The following LDLRAD3 variants were observed in gnomAD, a reference collection of about 807,000 sequenced individuals.
The protein encoded by LDLRAD3 is low density lipoprotein receptor class A domain containing 3.
A neutral mutation model predicts 29.4 loss-of-function variants in LDLRAD3; 20 were observed. The observed-to-expected ratio is 0.68, with a 90% confidence interval of 0.48 to 0.99. LDLRAD3 has a LOEUF of 0.99. LDLRAD3 is among the 50% of genes least tolerant of loss of function. The pLI is 0.00. For synonymous variants in LDLRAD3, 157 were observed against 192.7 expected, an observed-to-expected ratio of 0.81 and a Z score of 1.53; for missense variants, 420 against 454.3, an observed-to-expected ratio of 0.92 and a Z score of 0.69.
intron 1 of LDLRAD3, among the ~76,000 whole-genome samples, chr11:36,020,957 G>C (rs1210834814): frequency 6.6e-6 from 1 of 152,220 alleles, no homozygotes; most frequent in Non-Finnish European, 1.5e-5. Flanking sequence ...CTAGGGTTGT[G>C]AGTGACAGGG....
intron 3 of LDLRAD3, among the ~76,000 whole-genome samples, chr11:36,086,309 C>T (rs1853195005): frequency 6.6e-6 from 1 of 152,146 alleles, no homozygotes; most frequent in Non-Finnish European, 1.5e-5. Context: ...CTTAATATGA[C>T]AAGAAATTTT....
chr11:36,091,836 C>T (rs561562728), intron 3 of LDLRAD3, among the ~76,000 whole-genome samples: 29 of 152,256 alleles, frequency 1.9e-4, no homozygotes, highest in African/African-American at 7.0e-4. Flanking sequence ...GTTTCCTGGT[C>T]TGTTTATGAT....
At chr11:36,105,680 GA>G (rs768155355) in intron 4 of LDLRAD3, among the ~76,000 whole-genome samples, 7 of 152,192 alleles carry the variant, frequency 4.6e-5, no homozygotes, top group African/African-American at 9.7e-5. Flanking sequence ...AGGATCAGCA[GA>G]GATCGCCAGC....
chr11:36,184,316 C>T (rs1854813822), intron 4 of LDLRAD3, among the ~76,000 whole-genome samples: 1 of 152,078 alleles, frequency 6.6e-6, no homozygotes, highest in African/African-American at 2.4e-5. Context: ...CATATTCAAG[C>T]TTTGCTTTTA....
intron 4 of LDLRAD3, among the ~76,000 whole-genome samples, chr11:36,210,117 C>G (rs1855263857): frequency 6.6e-6 from 1 of 152,186 alleles, no homozygotes; most frequent in Non-Finnish European, 1.5e-5. Flanking sequence ...CCAGAGCTCC[C>G]CATCCATTCC....
intron 1 of LDLRAD3, among the ~76,000 whole-genome samples, chr11:36,033,563 CA>C (rs1463835540): frequency 2.6e-5 from 4 of 152,236 alleles, no homozygotes; most frequent in African/African-American, 9.6e-5. Flanking sequence ...GCTAACTCTA[CA>C]AATGCAAGTG....
At chr11:36,141,140 A>C (rs1447584811) in intron 4 of LDLRAD3, among the ~76,000 whole-genome samples, 1 of 151,878 alleles carries the variant, frequency 6.6e-6, no homozygotes, top group Non-Finnish European at 1.5e-5. Flanking sequence ...TGTCATGGGG[A>C]TTCGATGGCA....
intron 1 of LDLRAD3, among the ~76,000 whole-genome samples, chr11:35,971,084 A>G (rs2133146889): frequency 6.6e-6 from 1 of 152,318 alleles, no homozygotes; most frequent in Middle Eastern, 3.4e-3. Context: ...TGTAGTTGGA[A>G]GAAGCATGAC....
At chr11:35,985,632 A>C (rs1277114895) in intron 1 of LDLRAD3, among the ~76,000 whole-genome samples, 1 of 152,058 alleles carries the variant, frequency 6.6e-6, no homozygotes, top group East Asian at 1.9e-4. Flanking sequence ...ATCTGGTGGG[A>C]GGTAACTGAA....
chr11:36,203,368 G>C (rs941912587), intron 4 of LDLRAD3, among the ~76,000 whole-genome samples: 1 of 152,186 alleles, frequency 6.6e-6, no homozygotes, highest in African/African-American at 2.4e-5. Flanking sequence ...AACAGGCTCA[G>C]GAGTTTAAGT....
At chr11:36,212,551 C>CAAAAAAAAAAAAAAA (rs34139512) in intron 4 of LDLRAD3, among the ~76,000 whole-genome samples, 1 of 123,230 alleles carries the variant, frequency 8.1e-6, no homozygotes, top group African/African-American at 2.9e-5. Context: ...GACCCTGTCT[C>CAAAAAAAAAAAAAAA]AAAAAAAAAA....
Position 36,032,562 on chromosome 11 carries a change from G to A in LDLRAD3, c.47-3541G>A, listed in dbSNP as rs116052689. Among the ~76,000 whole-genome samples, 1,056 of 152,246 alleles carry A rather than the reference G, an allele frequency of 6.9e-3. 6 individuals carry two copies. The highest frequency in any genetic ancestry group is 0.022 in the African/African-American group (907 of 41,532). ...CCTCAGCACTATTGACATTTTCAGCGGGATGACTCTTCATTGTGGGGGCTG... is the reference window on the plus strand; with the variant it reads ...CCTCAGCACTATTGACATTTTCAGCAGGATGACTCTTCATTGTGGGGGCTG... On this transcript the variant is annotated intron_variant, in intron 1 of 5. Coordinates refer to ENST00000315571, the MANE Select transcript of LDLRAD3 (RefSeq NM_174902.4).
At chr11:35,974,031 G>A (rs184841984) in intron 1 of LDLRAD3, among the ~76,000 whole-genome samples, 1 of 152,048 alleles carries the variant, frequency 6.6e-6, no homozygotes, top group African/African-American at 2.4e-5. Context: ...TCCCTATTGA[G>A]TAATTAATCT....
At chr11:36,044,575 G>A (rs2133217536) in intron 2 of LDLRAD3, among the ~76,000 whole-genome samples, 1 of 152,320 alleles carries the variant, frequency 6.6e-6, no homozygotes, top group Non-Finnish European at 1.5e-5. Flanking sequence ...GAGAGCCTGT[G>A]CCACAGAAAC....
At chr11:36,019,808 A>C (rs1056232402) in intron 1 of LDLRAD3, among the ~76,000 whole-genome samples, 2 of 152,152 alleles carry the variant, frequency 1.3e-5, no homozygotes, top group Non-Finnish European at 2.9e-5. Flanking sequence ...GAGAAGGTGA[A>C]TCAACCTCTC....
chr11:35,999,919 G>C (rs1851802053), intron 1 of LDLRAD3, among the ~76,000 whole-genome samples: 2 of 152,194 alleles, frequency 1.3e-5, no homozygotes, highest in Admixed American at 6.5e-5. Context: ...TGCCCATGGA[G>C]ACATTTACAA....
chr11:36,159,326 G>C (rs1854401016), intron 4 of LDLRAD3, among the ~76,000 whole-genome samples: 1 of 151,774 alleles, frequency 6.6e-6, no homozygotes, highest in Non-Finnish European at 1.5e-5. Context: ...AAAACTTGCT[G>C]GGTATGGTGG....
chr11:36,042,497 G>A (rs1309808319), intron 2 of LDLRAD3, among the ~76,000 whole-genome samples: 3 of 152,188 alleles, frequency 2.0e-5, no homozygotes, highest in African/African-American at 7.2e-5. Flanking sequence ...GTCATTGTGT[G>A]CAGCTGCAGT....
intron 1 of LDLRAD3, among the ~76,000 whole-genome samples, chr11:35,991,058 T>C (rs1353919211): frequency 2.0e-5 from 3 of 152,238 alleles, no homozygotes; most frequent in Non-Finnish European, 4.4e-5. Context: ...AACTGAATTC[T>C]GCGGTCTTTT....
Sources: gnomAD v4.1 joint callset for allele counts (sites outside exome capture counted in the v4.1 genomes callset) on GRCh38, gnomAD v4.1.1 for gene constraint, MANE v1.5 for transcripts, NCBI Gene and HGNC (gene_info 2026-07-23, HGNC 2026-07-21) for gene names.